The following LRRIQ1 variants were observed in gnomAD, a reference collection of about 807,000 sequenced individuals.
LRRIQ1 encodes leucine rich repeats and IQ motif containing 1, also known as leucine-rich repeat- and IQ domain-containing protein 1.
In LRRIQ1, 210 loss-of-function variants were observed where a neutral mutation model predicts 211.9. The ratio of observed to expected loss-of-function variants is 0.99; its 90% CI spans 0.89 to 1.11. The LOEUF is 1.11. Among genes scored for constraint, LRRIQ1 ranks in the 50% most tolerant of loss-of-function variants. LRRIQ1 has a pLI of 0.00. For synonymous variants in LRRIQ1, 699 were observed against 650.1 expected (o/e 1.08, Z -1.14); for missense variants, 2,136 against 1,939.5 (o/e 1.10, Z -1.90).
chr12:85,257,081 T>C (rs1163885648), intron 1 of LRRIQ1, among the ~76,000 whole-genome samples: 1 of 115,742 alleles, frequency 8.6e-6, no homozygotes, highest in African/African-American at 3.3e-5. Flanking sequence ...TAAATATATA[T>C]AATTATATTA....
chr12:85,052,163 TATC>T lies in LRRIQ1; in HGVS notation c.679-11_679-9del, dbSNP rs748714955. 68 of 1,353,264 alleles carry T rather than the reference TATC, an allele frequency of 5.0e-5. No homozygotes were observed. The highest frequency in any genetic ancestry group is 6.7e-5 in the Non-Finnish European group (66 of 979,616). The allele number at this position is 1,353,264 out of a possible 1,614,324, so 83.8% of individuals were successfully genotyped here. ...ATTTGAGTATAGTCATATTTATTAT[TATC>T]ATATGTTCAGCAAGAACAGGACAAG... On this transcript the variant is annotated splice_polypyrimidine_tract_variant and intron_variant, in intron 6 of 26. Transcript: ENST00000393217.
intron 26 of LRRIQ1, among the ~76,000 whole-genome samples, chr12:85,243,346 AT>A (rs1483822390): frequency 1.4e-5 from 2 of 142,016 alleles, no homozygotes; most frequent in African/African-American, 5.5e-5. Context: ...TATTATTATT[AT>A]TATTATACTT....
chr12:85,067,854 G>C lies in LRRIQ1; in HGVS notation c.2695+956G>C, dbSNP rs150446955. Among the ~76,000 whole-genome samples the C allele has an allele frequency of 1.3e-4, 19 of 151,838 alleles. No individual in the cohort carries two copies. In the East Asian group the frequency reaches 3.5e-3, roughly 28 times the overall value. On this transcript the variant is annotated intron_variant, in intron 10 of 26. Coordinates refer to ENST00000393217, the MANE Select transcript of LRRIQ1 (RefSeq NM_001079910.2). ...AAAACCTTTCCTCTTACCTCACATT[G>C]AGTTCTGTCATTGCCTCCCATCTCT...
At position 85,263,023 on chromosome 12, in the gene LRRIQ1, G is replaced by A; in HGVS notation, c.230G>A (p.Trp77Ter). 2 of 987,932 alleles carry A rather than the reference G, an allele frequency of 2.0e-6. No individual in the cohort carries two copies. Among genetic ancestry groups the A allele is most frequent in the Non-Finnish European group, 1.2e-6 (1 of 830,074 alleles). The allele number at this position is 987,932 out of a possible 1,614,324, so 61.2% of individuals were successfully genotyped here. A position where few individuals can be genotyped will look rare whatever the true frequency, so the allele number is the denominator to read the frequency against. ...AATCCTGTACAACTCAGTGGTGGAT[G>A]GGGAAGTGGCAAAAAGAAGGCGAAC... The change falls in exon 2 of 2, where the codon TGG becomes TAG. Residue 77 changes from tryptophan to a stop codon, truncating the protein, a stop_gained. Coordinates refer to the LRRIQ1 transcript ENST00000602731. LOFTEE classifies it high-confidence loss of function.
intron 15 of LRRIQ1, among the ~76,000 whole-genome samples, chr12:85,114,342 T>G (rs548941805): frequency 2.0e-5 from 3 of 152,264 alleles, no homozygotes; most frequent in East Asian, 1.9e-4. Flanking sequence ...TTTAGGGCCA[T>G]GAATTGTTTG....
At chr12:85,064,810 C>T (rs770847124) in intron 8 of LRRIQ1, among the ~76,000 whole-genome samples, 3 of 151,714 alleles carry the variant, frequency 2.0e-5, no homozygotes, top group Non-Finnish European at 2.9e-5. Flanking sequence ...ATGTTCTTGG[C>T]ACCTTTGTCG....
intron 8 of LRRIQ1, among the ~76,000 whole-genome samples, chr12:85,058,222 G>A (rs1413137057): frequency 6.6e-6 from 1 of 151,954 alleles, no homozygotes; most frequent in African/African-American, 2.4e-5. Flanking sequence ...CAATATAAGA[G>A]ATGAGAACTG....
intron 19 of LRRIQ1, 64 bp downstream of exon 19, chr12:85,138,033 A>G: frequency 2.0e-6 from 2 of 1,001,350 alleles, no homozygotes; most frequent in Admixed American, 5.3e-5. Context: ...TATTTTGAAG[A>G]TAAACCAGTT....
rs189455967 is a variant in LRRIQ1 at position 85,072,659 on chromosome 12, C to T, written c.2696-248C>T. ...TTGACTATTATGTTTTTTTCATTCT[C>T]TCTTTAATGCCTTTGAAACTAAATT... On this transcript the variant is annotated intron_variant, in intron 10 of 26. Transcript: ENST00000393217. Among the ~76,000 whole-genome samples the T allele has an allele frequency of 7.6e-3, 1,142 of 150,638 alleles. 12 individuals are homozygous for T. Among genetic ancestry groups the T allele is most frequent in the Middle Eastern group, 0.017 (5 of 294 alleles).
chr12:85,268,039 G>A (rs540863021), downstream of LRRIQ1, among the ~76,000 whole-genome samples: 1 of 151,798 alleles, frequency 6.6e-6, no homozygotes, highest in South Asian at 2.1e-4. Context: ...AACCTTTCCA[G>A]AACAATATTC....
intron 24 of LRRIQ1, among the ~76,000 whole-genome samples, chr12:85,167,170 A>G (rs1224575536): frequency 6.6e-6 from 1 of 152,174 alleles, no homozygotes; most frequent in Non-Finnish European, 1.5e-5. Flanking sequence ...ATTTTTTAGG[A>G]AGACTTTTCT....
intron 25 of LRRIQ1, 132 bp from the exon 26 acceptor site, chr12:85,232,564 C>T: frequency 5.8e-6 from 4 of 687,032 alleles, no homozygotes; most frequent in South Asian, 1.8e-5. Flanking sequence ...TACTTATAAC[C>T]TAATTTAAGA....
At chr12:85,243,408 C>T (rs1428061079) in intron 26 of LRRIQ1, among the ~76,000 whole-genome samples, 2 of 147,720 alleles carry the variant, frequency 1.4e-5, no homozygotes, top group African/African-American at 4.9e-5. Flanking sequence ...AAATTGGAAA[C>T]GATTTTTATT....
chr12:85,212,813 AAG>A (rs369225618), intron 24 of LRRIQ1, among the ~76,000 whole-genome samples: 27 of 147,764 alleles, frequency 1.8e-4, no homozygotes, highest in Admixed American at 2.7e-4. Flanking sequence ...GAGAGAGAGA[AAG>A]AGAGAGAGAG....
At chr12:85,253,992 G>C (rs1896018754) in intron 1 of LRRIQ1, among the ~76,000 whole-genome samples, 1 of 151,984 alleles carries the variant, frequency 6.6e-6, no homozygotes, top group Non-Finnish European at 1.5e-5. Flanking sequence ...TGGATCACAG[G>C]GGAGGATTAC....
At chr12:85,199,323 C>T (rs1003563605) in intron 24 of LRRIQ1, among the ~76,000 whole-genome samples, 36 of 151,928 alleles carry the variant, frequency 2.4e-4, no homozygotes, top group African/African-American at 8.5e-4. Flanking sequence ...TTCAATCTTT[C>T]GCATATAGGC....
At chr12:85,242,986 G>A (rs1180869873) in intron 26 of LRRIQ1, among the ~76,000 whole-genome samples, 1 of 151,796 alleles carries the variant, frequency 6.6e-6, no homozygotes, top group Non-Finnish European at 1.5e-5. Flanking sequence ...TTATTTAGGG[G>A]AGAGTGGGAA....
At chr12:85,036,748 C>CTT (rs5799718) in intron 1 of LRRIQ1, among the ~76,000 whole-genome samples, 41 of 148,120 alleles carry the variant, frequency 2.8e-4, no homozygotes, top group Admixed American at 6.7e-4. Flanking sequence ...CTCTTTCTTT[C>CTT]TTTTTTTTTT....
At chr12:85,225,599 C>T (rs1894612856) in intron 24 of LRRIQ1, among the ~76,000 whole-genome samples, 1 of 152,038 alleles carries the variant, frequency 6.6e-6, no homozygotes, top group Non-Finnish European at 1.5e-5. Flanking sequence ...AACTGGAGGA[C>T]AGCAAGAATC....
Sources: allele counts gnomAD v4.1 joint callset (sites outside exome capture counted in the v4.1 genomes callset), GRCh38; gene constraint gnomAD v4.1.1; transcripts MANE v1.5; gene names NCBI Gene and HGNC (gene_info 2026-07-23, HGNC 2026-07-21).